Variants in RBM27 observed in about 807,000 individuals in gnomAD.
The protein encoded by RBM27 is RNA binding motif protein 27.
RBM27 carries 22 observed loss-of-function variants against 135.3 expected under a neutral mutation model. That is an observed-to-expected ratio of 0.16 (90% CI 0.12 to 0.23). RBM27 has a LOEUF of 0.23. RBM27 is among the 10% of genes least tolerant of loss of function. The probability of loss-of-function intolerance (pLI) is 1.00; values close to 1 mark genes in which losing one functional copy is unlikely to be tolerated. For synonymous variants in RBM27, 481 were observed against 442.4 expected (o/e 1.09, Z -1.10); for missense variants, 1,009 against 1,281.0 (o/e 0.79, Z 3.24).
chr5:146,219,524 C>T (rs765916066), intron 2 of RBM27, among the ~76,000 whole-genome samples: 4 of 152,130 alleles, frequency 2.6e-5, no homozygotes, highest in Admixed American at 6.6e-5. Flanking sequence ...CTCTTTGTGC[C>T]TTTAACTTTT....
In RBM27 at chr5:146,263,536, G is replaced by A. The variant is rs1462368302; in HGVS notation, c.2236G>A (p.Val746Ile). 3 of 1,614,140 alleles carry A rather than the reference G, an allele frequency of 1.9e-6. No individual in the cohort carries two copies. The South Asian group carries it at 3.3e-5, about 18-fold the overall frequency. ...ATCAGGTGCATATGTTCTTAACAAA[G>A]TTCCTGTTAAACATCGTCTTGGACA... Reference protein sequence around the residue: ...QTSGAYVLNKVPVKHRLGHAG... With the variant: ...QTSGAYVLNKIPVKHRLGHAG... The change falls in exon 14 of 21, where the codon GTT becomes ATT. Residue 746 changes from valine (V) to isoleucine (I), a missense_variant. Coordinates refer to ENST00000265271, the MANE Select transcript of RBM27 (RefSeq NM_018989.2).
intron 14 of RBM27, among the ~76,000 whole-genome samples, chr5:146,264,464 C>A (rs985492022): frequency 6.6e-6 from 1 of 151,906 alleles, no homozygotes; most frequent in African/African-American, 2.4e-5. Context: ...CCACTGCACC[C>A]GGCTGAATTT....
At chr5:146,244,610 G>A (rs976302790) in intron 8 of RBM27, among the ~76,000 whole-genome samples, 2 of 151,914 alleles carry the variant, frequency 1.3e-5, no homozygotes, top group African/African-American at 4.8e-5. Context: ...GGCATCATGG[G>A]TCACTGCAGC....
intron 19 of RBM27, among the ~76,000 whole-genome samples, chr5:146,278,178 A>G (rs1463125257): frequency 3.3e-5 from 5 of 152,210 alleles, no homozygotes; most frequent in African/African-American, 1.2e-4. Flanking sequence ...TGATTGATAC[A>G]TGATGACTGG....
At position 146,269,270 on chromosome 5, in the gene RBM27, G is replaced by C. The variant is rs1758758426; in HGVS notation, c.2515G>C (p.Glu839Gln). The C allele has an allele frequency of 3.7e-6, 6 of 1,607,546 alleles. No homozygotes were observed. Among genetic ancestry groups the C allele is most frequent in the Non-Finnish European group, 5.1e-6 (6 of 1,175,396 alleles). ...ACAGGAAGTGTTAGAAAAGCAAATA[G>C]AATGCCAAAAGGTAAGACAAGAGCT... Reference protein sequence around the residue: ...KRQEVLEKQIECQKMLISKLE... With the variant: ...KRQEVLEKQIQCQKMLISKLE... Residue 839 changes from glutamate (E) to glutamine (Q), a missense_variant, in exon 16 of 21, where the codon GAA (glutamate) becomes CAA (glutamine). Around this residue, in one of 6 missense-constraint regions of RBM27, gnomAD observed 355 missense variants for 427.3 expected, o/e 0.83. Coordinates refer to ENST00000265271, the MANE Select transcript of RBM27 (RefSeq NM_018989.2).
At chr5:146,261,314 A>G in intron 12 of RBM27, 196 bp from the exon 13 acceptor site, 2 of 612,276 alleles carry the variant, frequency 3.3e-6, no homozygotes, top group Non-Finnish European at 2.9e-6. Flanking sequence ...CACCGATACT[A>G]TTCATTAGGA....
At chr5:146,261,979 T>A (rs1322510387) in intron 13 of RBM27, among the ~76,000 whole-genome samples, 173 bp downstream of exon 13, 1 of 152,168 alleles carries the variant, frequency 6.6e-6, no homozygotes, top group Non-Finnish European at 1.5e-5. Context: ...GGGGGAAAAA[T>A]TTCAGATTCT....
chr5:146,248,571 T>C (rs1178086732), intron 8 of RBM27, among the ~76,000 whole-genome samples: 2 of 152,190 alleles, frequency 1.3e-5, no homozygotes, highest in African/African-American at 2.4e-5. Context: ...GTTCAAGTGA[T>C]TCTTGTGCCT....
chr5:146,226,707 T>A (rs35142541), intron 3 of RBM27, among the ~76,000 whole-genome samples: 32,063 of 151,084 alleles, frequency 0.21, 4,291 homozygotes, highest in Admixed American at 0.33. Context: ...AGAACAGTTT[T>A]AAAAAAAAAC....
At chr5:146,231,775 G>A (rs762117701) in intron 6 of RBM27, among the ~76,000 whole-genome samples, 3 of 152,028 alleles carry the variant, frequency 2.0e-5, no homozygotes, top group Non-Finnish European at 2.9e-5. Context: ...GAGCCACCAT[G>A]CCCGGCTAAT....
chr5:146,252,297 A>T (rs1047592371), intron 9 of RBM27, among the ~76,000 whole-genome samples: 1 of 152,158 alleles, frequency 6.6e-6, no homozygotes, highest in Non-Finnish European at 1.5e-5. Flanking sequence ...TGCCCCTTGT[A>T]TGTGTGCATA....
intron 10 of RBM27, among the ~76,000 whole-genome samples, chr5:146,256,041 A>T (rs1218970280): frequency 6.6e-6 from 1 of 151,292 alleles, no homozygotes; most frequent in Non-Finnish European, 1.5e-5. Context: ...TTTTTAGTAT[A>T]GACGGGGTTT....
intron 2 of RBM27, among the ~76,000 whole-genome samples, chr5:146,220,595 TTAAAA>T (rs1214575571): frequency 6.6e-6 from 1 of 151,972 alleles, no homozygotes; most frequent in African/African-American, 2.4e-5. Flanking sequence ...AAGATATCAT[TTAAAA>T]TAAGTATTTA....
intron 9 of RBM27, among the ~76,000 whole-genome samples, 165 bp downstream of exon 9, chr5:146,252,040 G>T (rs1487541590): frequency 6.6e-6 from 1 of 152,048 alleles, no homozygotes; most frequent in Non-Finnish European, 1.5e-5. Context: ...GTCTCTAGTG[G>T]CTGCTAGATG....
intron 19 of RBM27, among the ~76,000 whole-genome samples, chr5:146,281,382 T>C (rs1274516357): frequency 6.6e-6 from 1 of 152,182 alleles, no homozygotes; most frequent in Admixed American, 6.5e-5. Context: ...AAGATGTCTT[T>C]CAACAGAAAC....
At chr5:146,267,933 G>A (rs1758688348) in intron 15 of RBM27, among the ~76,000 whole-genome samples, 165 bp downstream of exon 15, 1 of 151,924 alleles carries the variant, frequency 6.6e-6, no homozygotes, top group Non-Finnish European at 1.5e-5. Context: ...TGGACATACA[G>A]AAAAAATGTT....
In RBM27 at chr5:146,229,829, C is replaced by T. The variant is rs1287380103; in HGVS notation, c.508C>T (p.Arg170Trp). Residue 170 changes from arginine to tryptophan, a missense_variant, in exon 5 of 21, where the codon CGG becomes TGG. Arg to Trp is a moderately radical substitution (Grantham distance 101). Transcript: ENST00000265271. ...YDWRRGRSKS[R>W]SKSRGLSRSR... ...CTGGAGAAGAGGCAGGAGTAAGAGT[C>T]GGAGTAAGAGTCGAGGCCTGAGTCG... The T allele has an allele frequency of 3.1e-6, 5 of 1,613,736 alleles. No individual in the cohort carries two copies. The highest frequency in any genetic ancestry group is 4.2e-6 in the Non-Finnish European group (5 of 1,179,958).
In RBM27 at chr5:146,288,183, CA is replaced by C. The variant is rs1759656538; in HGVS notation, c.*2154del. The C allele has an allele frequency of 6.6e-6, 1 of 151,870 alleles. No homozygotes were observed. The allele number at this position is 151,870 out of a possible 1,614,324, so 9.4% of individuals were successfully genotyped here. On this transcript the variant is annotated 3_prime_UTR_variant, in exon 21 of 21. Coordinates refer to ENST00000265271, the MANE Select transcript of RBM27 (RefSeq NM_018989.2). ...GAACTCTAAGAAAAATTTCAGTAGA[CA>C]GTTCAACAGAATGAGATTCCTTTTC...
rs1758763244 is a variant in RBM27 at position 146,269,405 on chromosome 5, C to A, written c.2527-15C>A. The A allele has an allele frequency of 5.9e-6, 9 of 1,525,574 alleles. No individual in the cohort carries two copies. Among genetic ancestry groups the A allele is most frequent in the Non-Finnish European group, 7.9e-6 (9 of 1,135,466 alleles). 94.5% of individuals were successfully genotyped at this position (1,525,574 alleles called of 1,614,324 possible). ...TTATTAAGCATGGTTTTACCTTTTTCTATTTATTTCGTAGATGTTAATATC... is the reference window on the plus strand; with the variant it reads ...TTATTAAGCATGGTTTTACCTTTTTATATTTATTTCGTAGATGTTAATATC... On this transcript the variant is annotated splice_polypyrimidine_tract_variant and intron_variant, in intron 16 of 20. Transcript: ENST00000265271.
Sources: allele counts gnomAD v4.1 joint callset (sites outside exome capture counted in the v4.1 genomes callset), GRCh38; gene constraint gnomAD v4.1.1; regional missense constraint gnomAD v4.1.1; transcripts MANE v1.5; gene names NCBI Gene and HGNC (gene_info 2026-07-23, HGNC 2026-07-21).